RNASE4: variants seen among roughly 807,000 people sequenced by gnomAD.
RNASE4 encodes the protein ribonuclease A family member 4.
For synonymous variants in RNASE4, 93 were observed against 71.4 expected (o/e 1.30, Z -1.52); for missense variants, 194 against 192.8 (o/e 1.01, Z -0.04).
intron 1 of RNASE4, chr14:20,688,940 T>C: frequency 1.2e-6 from 1 of 854,250 alleles, no homozygotes; most frequent in Non-Finnish European, 1.4e-6. Flanking sequence ...ATGAAACCAT[T>C]TTCCTCCCTT....
At chr14:20,690,072 G>A (rs1367542662) in intron 1 of RNASE4, among the ~76,000 whole-genome samples, 24 of 146,412 alleles carry the variant, frequency 1.6e-4, no homozygotes, top group Admixed American at 6.1e-4. Context: ...AAAATTAGCC[G>A]GGCGCGGTGG....
At chr14:20,692,116 C>A (rs549644420) in intron 1 of RNASE4, among the ~76,000 whole-genome samples, 1 of 152,208 alleles carries the variant, frequency 6.6e-6, no homozygotes, top group African/African-American at 2.4e-5. Flanking sequence ...AATTTAATGT[C>A]TTTGAAAATG....
At chr14:20,688,043 A>T (rs572142151) in intron 1 of RNASE4, among the ~76,000 whole-genome samples, 5 of 152,342 alleles carry the variant, frequency 3.3e-5, no homozygotes, top group African/African-American at 1.2e-4. Flanking sequence ...CAAGCAATGG[A>T]TCTACAGCCC....
rs1887135112 is a variant in RNASE4 at position 20,697,549 on chromosome 14, T to A, written c.-17-1806T>A. Reference sequence around the variant, plus strand: ...TAGGAGGTGGCATTTAAAAGAACAATATCCATGTTTGATACTGCTTTCATT... The same window carrying A: ...TAGGAGGTGGCATTTAAAAGAACAAAATCCATGTTTGATACTGCTTTCATT... On this transcript the variant is annotated intron_variant, in intron 1 of 1. Transcript: ENST00000555835. Among the ~76,000 whole-genome samples the A allele has an allele frequency of 2.6e-5, 4 of 152,272 alleles. No homozygotes were observed. The South Asian group carries it at 6.2e-4, about 24-fold the overall frequency.
At chr14:20,694,045 C>T (rs1179112495) in intron 1 of RNASE4, 4 of 1,611,936 alleles carry the variant, frequency 2.5e-6, no homozygotes, top group Non-Finnish European at 3.4e-6. Context: ...CTCTGCTGTC[C>T]TTGCCTTCCA....
chr14:20,688,725 G>A, intron 1 of RNASE4: 4 of 985,294 alleles, frequency 4.1e-6, no homozygotes, highest in Non-Finnish European at 4.8e-6. Context: ...TGCCAGGACT[G>A]GGACACTATA....
chr14:20,693,932 G>A lies in RNASE4; in HGVS notation c.-17-5423G>A, dbSNP rs535311762. ...CCATGCCAGTACCGAGCCACAGCGG[G>A]GTTCAGAAACGTTGTTGTTGCTTGT... On this transcript the variant is annotated intron_variant, in intron 1 of 1. Transcript: ENST00000555835. The A allele has an allele frequency of 4.3e-6, 7 of 1,613,944 alleles. No homozygotes were observed. The highest frequency in any genetic ancestry group is 1.3e-5 in the African/African-American group (1 of 74,882).
chr14:20,700,021 T>C lies in RNASE4; in HGVS notation c.*206T>C. 1.7e-6 allele frequency: 1 copy of C among 582,440 alleles called. No homozygotes were observed. The highest frequency in any genetic ancestry group is 3.1e-6 in the Non-Finnish European group (1 of 320,840). 36.1% of individuals were successfully genotyped at this position (582,440 alleles called of 1,614,324 possible). A position where few individuals can be genotyped will look rare whatever the true frequency, so the allele number is the denominator to read the frequency against. On this transcript the variant is annotated 3_prime_UTR_variant, in exon 2 of 2. Coordinates refer to ENST00000555835, the MANE Select transcript of RNASE4 (RefSeq NM_002937.5). ...TAATGAATGAGGCTGGGCTTTTCTG[T>C]AATAAGCTTCCTTTTATAATACTGG...
chr14:20,699,698 C>T lies in RNASE4; in HGVS notation c.327C>T (p.Cys109=). ...CHEGVVKVTD[C]RDTGSSRAPN... ...AGGGTGTAGTGAAGGTCACAGATTGCAGGGACACAGGAAGTTCCAGGGCAC... is the reference window on the plus strand; with the variant it reads ...AGGGTGTAGTGAAGGTCACAGATTGTAGGGACACAGGAAGTTCCAGGGCAC... The change falls in exon 2 of 2, where the codon TGC becomes TGT. Residue 109 remains cysteine (C), a synonymous_variant. Transcript: ENST00000555835. The T allele has an allele frequency of 6.2e-7, 1 of 1,609,790 alleles. No individual in the cohort carries two copies. Among genetic ancestry groups the T allele is most frequent in the Non-Finnish European group, 8.5e-7 (1 of 1,180,004 alleles).
intron 1 of RNASE4, among the ~76,000 whole-genome samples, chr14:20,690,199 G>A (rs1157111592): frequency 7.4e-6 from 1 of 134,364 alleles, no homozygotes; most frequent in Non-Finnish European, 1.6e-5. Flanking sequence ...TCCGGCCTGG[G>A]CGACAGAGCG....
chr14:20,687,453 T>C (rs1886478690), intron 1 of RNASE4, among the ~76,000 whole-genome samples: 1 of 152,210 alleles, frequency 6.6e-6, no homozygotes, highest in African/African-American at 2.4e-5. Flanking sequence ...GGTGCTTGAA[T>C]TGGTGCTTCA....
Position 20,699,677 on chromosome 14 carries a change from T to A in RNASE4, c.306T>A (p.Gly102=), listed in dbSNP as rs751587240. 3 of 1,610,532 alleles carry A rather than the reference T, an allele frequency of 1.9e-6. No homozygotes were observed. Among genetic ancestry groups the A allele is most frequent in the South Asian group, 2.2e-5 (2 of 91,070 alleles). ...CKNGKMNCHE[G]VVKVTDCRDT... is the part of the protein sequence containing the mutation. The stretch of plus-strand genomic sequence containing the variant: ...ACGGCAAGATGAACTGCCATGAGGG[T>A]GTAGTGAAGGTCACAGATTGCAGGG... The change falls in exon 2 of 2, where the codon GGT becomes GGA. Residue 102 remains glycine, a synonymous_variant. Transcript: ENST00000555835.
chr14:20,699,246 G>T, intron 1 of RNASE4, 109 bp from the exon 2 acceptor site: 1 of 869,510 alleles, frequency 1.2e-6, no homozygotes, highest in Non-Finnish European at 1.7e-6. Context: ...CATATAAGAA[G>T]GAGGAAAGAG....
In RNASE4 at chr14:20,693,866, A is replaced by C. The variant is rs1046180997; in HGVS notation, c.-17-5489A>C. The C allele has an allele frequency of 2.5e-6, 4 of 1,614,120 alleles. No homozygotes were observed. The highest frequency in any genetic ancestry group is 3.4e-6 in the Non-Finnish European group (4 of 1,180,048). Reference sequence around the variant, plus strand: ...CTAAGAATAAGCAAGTCTTCTTTCCAGGTCACCACTTGCAAGCTACATGGA... The same window carrying C: ...CTAAGAATAAGCAAGTCTTCTTTCCCGGTCACCACTTGCAAGCTACATGGA... On this transcript the variant is annotated intron_variant, in intron 1 of 1. Transcript: ENST00000555835.
intron 1 of RNASE4, among the ~76,000 whole-genome samples, chr14:20,696,983 G>A (rs941642049): frequency 2.6e-5 from 4 of 152,182 alleles, no homozygotes; most frequent in Admixed American, 6.5e-5. Flanking sequence ...TGGAGAAAGC[G>A]TTTGGGGAAA....
chr14:20,690,239 A>AAG (rs1886666278), intron 1 of RNASE4, among the ~76,000 whole-genome samples: 1 of 149,734 alleles, frequency 6.7e-6, no homozygotes, highest in African/African-American at 2.5e-5. Flanking sequence ...AAAAAAAAAA[A>AAG]AAAAAAAAAG....
intron 1 of RNASE4, 63 bp from the exon 2 acceptor site, chr14:20,699,292 C>A: frequency 7.1e-7 from 1 of 1,415,230 alleles, no homozygotes; most frequent in Non-Finnish European, 9.5e-7. Flanking sequence ...TTGCTATTCT[C>A]AACACCTTTT....
chr14:20,697,269 C>T (rs1351225967), intron 1 of RNASE4, among the ~76,000 whole-genome samples: 1 of 152,174 alleles, frequency 6.6e-6, no homozygotes, highest in Non-Finnish European at 1.5e-5. Flanking sequence ...ACCATGGAAA[C>T]TCGAGGTGCC....
intron 1 of RNASE4, among the ~76,000 whole-genome samples, chr14:20,693,009 G>A (rs1170376342): frequency 1.4e-4 from 21 of 151,724 alleles, no homozygotes; most frequent in Middle Eastern, 6.8e-3. Context: ...CACTACGCCC[G>A]GCTAATTTTT....
Sources: allele counts gnomAD v4.1 joint callset (sites outside exome capture counted in the v4.1 genomes callset), GRCh38; gene constraint gnomAD v4.1.1; transcripts MANE v1.5; gene names NCBI Gene and HGNC (gene_info 2026-07-23, HGNC 2026-07-21).